The following LRFN5 variants were observed in gnomAD, a reference collection of about 807,000 sequenced individuals.
LRFN5 encodes the protein leucine rich repeat and fibronectin type III domain containing 5, also known as leucine-rich repeat and fibronectin type-III domain-containing protein 5.
A neutral mutation model predicts 45.6 loss-of-function variants in LRFN5; 24 were observed. The ratio of observed to expected loss-of-function variants is 0.53; its 90% CI spans 0.38 to 0.74. The LOEUF (loss-of-function observed/expected upper bound fraction) is 0.74. LRFN5 is among the 30% of genes least tolerant of loss of function. The pLI is 0.00. For missense variants in LRFN5, 776 were observed against 861.5 expected (o/e 0.90, Z 1.24); for synonymous variants, 340 against 313.8 (o/e 1.08, Z -0.88).
chr14:41,725,547 C>T (rs1360994394), intron 1 of LRFN5, among the ~76,000 whole-genome samples: 1 of 140,202 alleles, frequency 7.1e-6, no homozygotes, highest in Non-Finnish European at 1.6e-5. Context: ...TTCTTAATTC[C>T]ATAGTTGTTG....
intron 2 of LRFN5, among the ~76,000 whole-genome samples, chr14:41,880,218 C>G (rs537980759): frequency 6.6e-6 from 1 of 151,894 alleles, no homozygotes; most frequent in East Asian, 1.9e-4. Flanking sequence ...TGAGCCACCG[C>G]GCCCGGCCCT....
At chr14:41,858,883 T>A (rs974030147) in intron 2 of LRFN5, among the ~76,000 whole-genome samples, 7 of 152,176 alleles carry the variant, frequency 4.6e-5, no homozygotes, top group Non-Finnish European at 7.4e-5. Context: ...CTATCCCTAC[T>A]TTGTAGCATT....
chr14:41,881,356 AT>A (rs1226297953), intron 2 of LRFN5, among the ~76,000 whole-genome samples: 1 of 151,838 alleles, frequency 6.6e-6, no homozygotes, highest in African/African-American at 2.4e-5. Flanking sequence ...TTTTAAATAT[AT>A]TATTTCATTT....
rs184296566 is a variant in LRFN5, at chr14:41,895,009, T to C, written c.2098+3047T>C. 42 of 982,808 alleles carry C rather than the reference T, an allele frequency of 4.3e-5. No individual in the cohort carries two copies. In the Admixed American group the frequency reaches 2.6e-3, roughly 60 times the overall value. 60.9% of individuals were successfully genotyped at this position (982,808 alleles called of 1,614,324 possible). A position where few individuals can be genotyped will look rare whatever the true frequency, so the allele number is the denominator to read the frequency against. The stretch of plus-strand genomic sequence containing the variant: ...TGCTTCCTCGTTCTTATTTTTCTTT[T>C]ATTTTTGTCATTTTGCATTATAGTT... On this transcript the variant is annotated intron_variant, in intron 4 of 5. Transcript: ENST00000298119.
chr14:41,742,312 T>TACACAC (rs61109523), intron 1 of LRFN5, among the ~76,000 whole-genome samples: 2,487 of 145,214 alleles, frequency 0.017, 25 homozygotes, highest in African/African-American at 0.031. Flanking sequence ...GTGGTGTGTA[T>TACACAC]ACACACACAC....
At position 41,697,716 on chromosome 14, in the gene LRFN5, T is replaced by C. The variant is rs192577813; in HGVS notation, c.-196-69138T>C. 2.6e-3 allele frequency among the ~76,000 whole-genome samples: 394 copies of C among 151,758 alleles called. 3 individuals carry two copies. Among genetic ancestry groups the C allele is most frequent in the African/African-American group, 9.1e-3 (377 of 41,460 alleles). ...CATCTATTTATTTTCAACATTCCTA[T>C]GTCCTCCTACTTAAGATATGACTAT... On this transcript the variant is annotated intron_variant, in intron 1 of 5. Coordinates refer to ENST00000298119, the MANE Select transcript of LRFN5 (RefSeq NM_152447.5).
chr14:41,708,512 C>T (rs922037389), intron 1 of LRFN5, among the ~76,000 whole-genome samples: 2 of 151,862 alleles, frequency 1.3e-5, no homozygotes, highest in African/African-American at 2.4e-5. Context: ...TTCAAATTTC[C>T]GTATTTGCTT....
chr14:41,848,481 C>A (rs1307491345), intron 2 of LRFN5, among the ~76,000 whole-genome samples: 2 of 116,618 alleles, frequency 1.7e-5, no homozygotes, highest in South Asian at 5.4e-4. Context: ...AGACATAAAT[C>A]TCTTCTGCAT....
intron 1 of LRFN5, among the ~76,000 whole-genome samples, chr14:41,637,698 T>C (rs978930265): frequency 6.6e-6 from 1 of 152,198 alleles, no homozygotes; most frequent in Non-Finnish European, 1.5e-5. Flanking sequence ...AGGTTGCTTA[T>C]AGATAAGTGA....
intron 2 of LRFN5, among the ~76,000 whole-genome samples, chr14:41,774,084 T>C (rs1170829290): frequency 6.6e-6 from 1 of 152,088 alleles, no homozygotes; most frequent in African/African-American, 2.4e-5. Flanking sequence ...TATGAGAAAA[T>C]GATGAGTTTA....
intron 1 of LRFN5, among the ~76,000 whole-genome samples, chr14:41,704,123 C>T (rs1882949679): frequency 6.6e-6 from 1 of 152,086 alleles, no homozygotes; most frequent in South Asian, 2.1e-4. Flanking sequence ...CTAACAGTGG[C>T]CAAAACAGAC....
chr14:41,642,696 G>T (rs1397571674), intron 1 of LRFN5, among the ~76,000 whole-genome samples: 1 of 152,148 alleles, frequency 6.6e-6, no homozygotes, highest in Non-Finnish European at 1.5e-5. Context: ...CTGCCAGCAT[G>T]GATTGACAGA....
chr14:41,821,007 T>G (rs1366194240), intron 2 of LRFN5, among the ~76,000 whole-genome samples: 6 of 152,072 alleles, frequency 3.9e-5, no homozygotes, highest in African/African-American at 1.4e-4. Context: ...GTCAAAGTCT[T>G]TGAGAAGAAT....
At chr14:41,683,217 TC>T (rs1444361894) in intron 1 of LRFN5, among the ~76,000 whole-genome samples, 1 of 152,198 alleles carries the variant, frequency 6.6e-6, no homozygotes, top group East Asian at 1.9e-4. Flanking sequence ...AAGGAAAAAA[TC>T]CATATGATCA....
At chr14:41,878,659 A>G (rs1890269657) in intron 2 of LRFN5, among the ~76,000 whole-genome samples, 1 of 152,240 alleles carries the variant, frequency 6.6e-6, no homozygotes, top group Admixed American at 6.5e-5. Flanking sequence ...TTACAGTTCC[A>G]CTCAAATATT....
At chr14:41,792,624 T>C (rs907100009) in intron 2 of LRFN5, among the ~76,000 whole-genome samples, 10 of 152,034 alleles carry the variant, frequency 6.6e-5, no homozygotes, top group African/African-American at 2.4e-4. Flanking sequence ...TTATATGCTC[T>C]CTGCAAGAAG....
chr14:41,766,028 A>G (rs932746867), intron 1 of LRFN5, among the ~76,000 whole-genome samples: 2 of 152,112 alleles, frequency 1.3e-5, no homozygotes, highest in Non-Finnish European at 2.9e-5. Flanking sequence ...TCTGTTTTTT[A>G]TTATTATGCT....
intron 1 of LRFN5, among the ~76,000 whole-genome samples, chr14:41,647,469 CAGG>C (rs1879871563): frequency 6.6e-6 from 1 of 152,058 alleles, no homozygotes; most frequent in Non-Finnish European, 1.5e-5. Context: ...GTAGGTACGT[CAGG>C]AGATTTTTGC....
intron 2 of LRFN5, among the ~76,000 whole-genome samples, chr14:41,878,442 C>T (rs1047046004): frequency 6.6e-6 from 1 of 152,106 alleles, no homozygotes; most frequent in Non-Finnish European, 1.5e-5. Flanking sequence ...TCTAAATTTG[C>T]TTTTATATTC....
Sources: allele counts gnomAD v4.1 joint callset (sites outside exome capture counted in the v4.1 genomes callset), GRCh38; gene constraint gnomAD v4.1.1; transcripts MANE v1.5; gene names NCBI Gene and HGNC (gene_info 2026-07-23, HGNC 2026-07-21).